Variants in TMTC2 observed in about 807,000 individuals in gnomAD.
TMTC2 encodes protein O-mannosyl-transferase TMTC2.
In TMTC2, 43 loss-of-function variants were observed where a neutral mutation model predicts 82.4. The ratio of observed to expected loss-of-function variants is 0.52; its 90% CI spans 0.41 to 0.67. The LOEUF (loss-of-function observed/expected upper bound fraction) is 0.67. TMTC2 is among the 30% of genes least tolerant of loss of function. TMTC2 has a pLI of 0.00. For missense variants in TMTC2, 919 were observed against 1,012.4 expected (o/e 0.91, Z 1.25); for synonymous variants, 408 against 381.9 (o/e 1.07, Z -0.80).
At chr12:82,969,558 C>A (rs891398246) in intron 7 of TMTC2, among the ~76,000 whole-genome samples, 1 of 152,126 alleles carries the variant, frequency 6.6e-6, no homozygotes, top group Admixed American at 6.5e-5. Context: ...TGATTTTAAT[C>A]TCCCCTTGAA....
chr12:82,898,838 C>T (rs1408481912), intron 3 of TMTC2, among the ~76,000 whole-genome samples: 1 of 152,136 alleles, frequency 6.6e-6, no homozygotes, highest in South Asian at 2.1e-4. Context: ...AAGCCAAGTA[C>T]CCAGCCAAAT....
intron 3 of TMTC2, among the ~76,000 whole-genome samples, chr12:82,896,970 T>G (rs1274809224): frequency 6.6e-6 from 1 of 152,224 alleles, no homozygotes; most frequent in East Asian, 1.9e-4. Flanking sequence ...TTTAAAATAC[T>G]GATAGGTACA....
intron 11 of TMTC2, among the ~76,000 whole-genome samples, chr12:83,070,412 G>A (rs1334317757): frequency 6.6e-6 from 1 of 151,906 alleles, no homozygotes; most frequent in Non-Finnish European, 1.5e-5. Flanking sequence ...TCTTTGGTTA[G>A]ATGTATTCCT....
chr12:82,900,744 ATATATATATAGGAATATATATAGAGAGG>A (rs1391189144), intron 3 of TMTC2, among the ~76,000 whole-genome samples: 7 of 126,088 alleles, frequency 5.6e-5, no homozygotes, highest in Non-Finnish European at 9.8e-5. Flanking sequence ...TATCTCTGGA[ATATATATATAGGAATATATATAGAGAGG>A]TATATATATA....
chr12:82,731,034 C>T (rs915265156), intron 1 of TMTC2, among the ~76,000 whole-genome samples: 1 of 152,176 alleles, frequency 6.6e-6, no homozygotes, highest in Non-Finnish European at 1.5e-5. Flanking sequence ...GCATCTGTAG[C>T]TATGTAATGT....
rs575989554 is a variant in TMTC2, at chr12:82,731,804, G to C, written c.83+44135G>C. 5.3e-5 allele frequency among the ~76,000 whole-genome samples: 8 copies of C among 152,252 alleles called. No individual in the cohort carries two copies. In the South Asian group the frequency reaches 1.0e-3, roughly 20 times the overall value. ...GACAAGGTTCAATTTTACATGGAAT[G>C]GTTTGTGTGATAAATGACTAAATGG... is the stretch of plus-strand genomic sequence containing the variant. On this transcript the variant is annotated intron_variant, in intron 1 of 11. Transcript: ENST00000321196.
At chr12:82,997,384 G>GTATA (rs774148150) in intron 8 of TMTC2, among the ~76,000 whole-genome samples, 13 of 29,724 alleles carry the variant, frequency 4.4e-4, no homozygotes, top group African/African-American at 6.2e-4. Context: ...ATATATATGT[G>GTATA]TATATATATA....
chr12:83,049,109 G>T (rs562455864), intron 9 of TMTC2, among the ~76,000 whole-genome samples: 1 of 152,236 alleles, frequency 6.6e-6, no homozygotes, highest in Non-Finnish European at 1.5e-5. Context: ...AGAGCATTTA[G>T]CATTTTTATT....
Position 82,715,274 on chromosome 12 carries a change from CAAAAA to C in TMTC2, c.83+27613_83+27617del, listed in dbSNP as rs758933283. Among the ~76,000 whole-genome samples the C allele has an allele frequency of 2.9e-5, 3 of 103,834 alleles. No homozygotes were observed. In the South Asian group the frequency reaches 9.4e-4, roughly 33 times the overall value. The allele number at this position is 103,834 out of a possible 152,430, so 68.1% of individuals were successfully genotyped here. ...TGGGCGACAGAACGAGACTCCATTT[CAAAAA>C]AAAAAAACAAAAAAGAAAAGGCATA... On this transcript the variant is annotated intron_variant, in intron 1 of 11. Coordinates refer to ENST00000321196, the MANE Select transcript of TMTC2 (RefSeq NM_152588.3).
At chr12:82,808,963 T>C (rs867000151) in intron 1 of TMTC2, among the ~76,000 whole-genome samples, 2 of 151,262 alleles carry the variant, frequency 1.3e-5, no homozygotes, top group African/African-American at 4.8e-5. Flanking sequence ...AAAAGATTCC[T>C]CTTTCAAGAT....
intron 1 of TMTC2, among the ~76,000 whole-genome samples, chr12:82,834,097 A>T (rs1034115805): frequency 6.6e-6 from 1 of 152,228 alleles, no homozygotes; most frequent in Non-Finnish European, 1.5e-5. Context: ...TATAATTAGC[A>T]TGTCAGATTG....
chr12:82,773,493 C>T (rs1299050331), intron 1 of TMTC2, among the ~76,000 whole-genome samples: 2 of 149,572 alleles, frequency 1.3e-5, no homozygotes, highest in Non-Finnish European at 3.0e-5. Context: ...TGTAGTCTCG[C>T]TCTGTCACCC....
chr12:82,979,824 A>G (rs1655610), intron 7 of TMTC2, among the ~76,000 whole-genome samples: 88 of 151,758 alleles, frequency 5.8e-4, no homozygotes, highest in African/African-American at 2.1e-3. Context: ...GGGACAGTCT[A>G]TTTCTCCTTC....
chr12:82,869,060 G>C (rs537066500), intron 2 of TMTC2, among the ~76,000 whole-genome samples: 1 of 152,158 alleles, frequency 6.6e-6, no homozygotes, highest in Non-Finnish European at 1.5e-5. Flanking sequence ...AGATAAAATT[G>C]GTTTTGGATT....
intron 1 of TMTC2, among the ~76,000 whole-genome samples, chr12:82,687,931 A>G (rs1391946903): frequency 6.6e-6 from 1 of 152,162 alleles, no homozygotes; most frequent in Non-Finnish European, 1.5e-5. Context: ...TGAGTTTCTT[A>G]GCGGAAATCC....
intron 1 of TMTC2, among the ~76,000 whole-genome samples, chr12:82,844,538 A>G (rs1870524299): frequency 6.6e-6 from 1 of 152,168 alleles, no homozygotes; most frequent in South Asian, 2.1e-4. Flanking sequence ...GCAGTGGCTC[A>G]AGCCTGTAAT....
At chr12:82,827,174 AAGTT>A (rs1592554383) in intron 1 of TMTC2, among the ~76,000 whole-genome samples, 1 of 152,210 alleles carries the variant, frequency 6.6e-6, no homozygotes, top group Non-Finnish European at 1.5e-5. Flanking sequence ...AAGACATTGA[AAGTT>A]AGCTAACTAT....
chr12:82,771,462 A>G (rs2136995766), intron 1 of TMTC2, among the ~76,000 whole-genome samples: 1 of 152,294 alleles, frequency 6.6e-6, no homozygotes, highest in Non-Finnish European at 1.5e-5. Context: ...AGCAGGAAGT[A>G]GATAATGCTG....
At chr12:82,827,039 A>G (rs1869458302) in intron 1 of TMTC2, among the ~76,000 whole-genome samples, 1 of 152,116 alleles carries the variant, frequency 6.6e-6, no homozygotes, top group African/African-American at 2.4e-5. Context: ...AGTATTTCTT[A>G]AAATTGCTGT....
Sources: gnomAD v4.1 joint callset for allele counts (sites outside exome capture counted in the v4.1 genomes callset) on GRCh38, gnomAD v4.1.1 for gene constraint, MANE v1.5 for transcripts, NCBI Gene and HGNC (gene_info 2026-07-23, HGNC 2026-07-21) for gene names.